Variants in ATG10 observed in about 807,000 individuals in gnomAD.
The protein encoded by ATG10 is autophagy related 10.
A neutral mutation model predicts 32.1 loss-of-function variants in ATG10; 30 were observed. The observed-to-expected ratio is 0.94, with a 90% CI of 0.70 to 1.27. The LOEUF is 1.27. ATG10 is among the 50% of genes most tolerant of loss of function. The pLI, the probability that ATG10 is intolerant of heterozygous loss-of-function variation, is 0.00. For synonymous variants in ATG10, 87 were observed against 91.5 expected (o/e 0.95, Z 0.28); for missense variants, 233 against 262.3 (o/e 0.89, Z 0.77).
At chr5:82,223,265 C>T (rs1262584570) in intron 5 of ATG10, among the ~76,000 whole-genome samples, 2 of 152,218 alleles carry the variant, frequency 1.3e-5, no homozygotes, top group Non-Finnish European at 2.9e-5. Context: ...CATCCAATCT[C>T]TACTGTATTT....
At chr5:82,000,017 T>A (rs1187034916) in intron 2 of ATG10, among the ~76,000 whole-genome samples, 1 of 151,890 alleles carries the variant, frequency 6.6e-6, no homozygotes. Flanking sequence ...AACAAAAAAA[T>A]AAAACTTCCA....
intron 5 of ATG10, among the ~76,000 whole-genome samples, chr5:82,212,546 G>A (rs2149980834): frequency 6.6e-6 from 1 of 152,268 alleles, no homozygotes; most frequent in Non-Finnish European, 1.5e-5. Context: ...AATAAAAAGA[G>A]TAATACAAAT....
chr5:82,224,011 A>T, intron 5 of ATG10, among the ~76,000 whole-genome samples: 1 of 152,206 alleles, frequency 6.6e-6, no homozygotes, highest in Non-Finnish European at 1.5e-5. Context: ...AAAAGTAAGG[A>T]TTGCATACCT....
At chr5:81,979,048 C>A (rs1760953345) in intron 1 of ATG10, among the ~76,000 whole-genome samples, 1 of 152,000 alleles carries the variant, frequency 6.6e-6, no homozygotes, top group Non-Finnish European at 1.5e-5. Flanking sequence ...TACAGGTGCA[C>A]ATCACTGCAC....
At chr5:82,223,676 T>C (rs1268760285) in intron 5 of ATG10, among the ~76,000 whole-genome samples, 1 of 152,184 alleles carries the variant, frequency 6.6e-6, no homozygotes, top group Non-Finnish European at 1.5e-5. Context: ...ACAGAAGAAT[T>C]AATCAATAAT....
intron 5 of ATG10, among the ~76,000 whole-genome samples, chr5:82,250,173 A>G (rs891318430): frequency 6.6e-6 from 1 of 152,140 alleles, no homozygotes; most frequent in African/African-American, 2.4e-5. Flanking sequence ...TTAGTCCAGG[A>G]TAATTCTAAA....
intron 5 of ATG10, among the ~76,000 whole-genome samples, chr5:82,195,510 T>A (rs1297024637): frequency 6.6e-6 from 1 of 152,178 alleles, no homozygotes; most frequent in African/African-American, 2.4e-5. Context: ...GCAAAGACTA[T>A]GTTTATCACG....
intron 2 of ATG10, among the ~76,000 whole-genome samples, chr5:81,987,885 G>GAA (rs779654113): frequency 0.074 from 11,246 of 152,220 alleles, 511 homozygotes; most frequent in Non-Finnish European, 0.11. Flanking sequence ...TCAGGCTAAT[G>GAA]AAGTATTATT....
intron 3 of ATG10, among the ~76,000 whole-genome samples, chr5:82,061,539 G>C (rs1285698415): frequency 6.6e-6 from 1 of 151,514 alleles, no homozygotes; most frequent in Admixed American, 6.6e-5. Context: ...TCTGTTATTT[G>C]ACTAAACCTT....
chr5:81,978,078 C>T (rs988791631), intron 1 of ATG10, among the ~76,000 whole-genome samples: 1 of 151,220 alleles, frequency 6.6e-6, no homozygotes, highest in African/African-American at 2.4e-5. Flanking sequence ...TTGTGTTGGT[C>T]TTTTTTTTTG....
Position 82,164,455 on chromosome 5 carries a change from C to T in ATG10, c.273C>T (p.Ser91=), listed in dbSNP as rs1359741756. 9.3e-6 allele frequency: 15 copies of T among 1,613,550 alleles called. No individual in the cohort carries two copies. The highest frequency in any genetic ancestry group is 2.2e-5 in the South Asian group (2 of 91,064). The change falls in exon 4 of 8, where the codon TCC becomes TCT. Residue 91 remains serine (S), a synonymous_variant. Coordinates refer to ENST00000282185, the MANE Select transcript of ATG10 (RefSeq NM_031482.5). The part of the protein sequence containing the change: ...DCEVIETAAA[S]EVIKYEYHVL... ...AAGTGATTGAAACTGCAGCAGCGTCCGAAGTGATTAAATATGAGTATCATG... is the reference window on the plus strand; with the variant it reads ...AAGTGATTGAAACTGCAGCAGCGTCTGAAGTGATTAAATATGAGTATCATG...
chr5:82,015,075 TTCAC>T (rs1199742825), intron 2 of ATG10, among the ~76,000 whole-genome samples: 1 of 152,210 alleles, frequency 6.6e-6, no homozygotes, highest in Admixed American at 6.5e-5. Context: ...TTATTTCTCC[TTCAC>T]TTATGAAGCT....
At chr5:81,991,871 C>T (rs529017878) in intron 2 of ATG10, 2 of 152,314 alleles carry the variant, frequency 1.3e-5, no homozygotes, top group South Asian at 4.1e-4. Flanking sequence ...GACAGGGTCT[C>T]TGCCACCCAG....
intron 3 of ATG10, among the ~76,000 whole-genome samples, chr5:82,094,006 A>G (rs1466961591): frequency 6.6e-6 from 1 of 151,946 alleles, no homozygotes; most frequent in Non-Finnish European, 1.5e-5. Context: ...TCTTTTCTTG[A>G]CCTGGGTTCT....
intron 5 of ATG10, among the ~76,000 whole-genome samples, chr5:82,183,678 G>A (rs1275774095): frequency 1.3e-5 from 2 of 151,888 alleles, no homozygotes; most frequent in Non-Finnish European, 2.9e-5. Context: ...TTTATTAGTT[G>A]GACTACTTCT....
chr5:81,988,758 G>A (rs113834391), intron 2 of ATG10, among the ~76,000 whole-genome samples: 4 of 152,164 alleles, frequency 2.6e-5, no homozygotes, highest in African/African-American at 9.6e-5. Context: ...CTCTTGGTTC[G>A]ATTCAGTAAT....
At chr5:82,007,713 C>T (rs913092777) in intron 2 of ATG10, among the ~76,000 whole-genome samples, 1 of 152,084 alleles carries the variant, frequency 6.6e-6, no homozygotes, top group African/African-American at 2.4e-5. Flanking sequence ...CTGGGCCTCC[C>T]AAAGTGTTAA....
At chr5:82,240,307 A>G (rs528019367) in intron 5 of ATG10, among the ~76,000 whole-genome samples, 149 of 152,376 alleles carry the variant, frequency 9.8e-4, no homozygotes, top group African/African-American at 3.5e-3. Context: ...AATATGTGGT[A>G]TGTATACACA....
At chr5:82,108,240 A>C (rs1765500141) in intron 3 of ATG10, among the ~76,000 whole-genome samples, 1 of 152,006 alleles carries the variant, frequency 6.6e-6, no homozygotes, top group African/African-American at 2.4e-5. Context: ...ATACTAGGTA[A>C]GGTCAGACAT....
Sources: gnomAD v4.1 joint callset for allele counts (sites outside exome capture counted in the v4.1 genomes callset) on GRCh38, gnomAD v4.1.1 for gene constraint, MANE v1.5 for transcripts, NCBI Gene and HGNC (gene_info 2026-07-23, HGNC 2026-07-21) for gene names.